HMCN1: variants seen among roughly 807,000 people sequenced by gnomAD.
HMCN1 encodes the protein hemicentin 1.
Under a neutral mutation model 625.9 loss-of-function variants are expected in HMCN1, and 321 were observed. The ratio of observed to expected loss-of-function variants is 0.51; its 90% confidence interval spans 0.47 to 0.56. The LOEUF is 0.56. Ranked by LOEUF, HMCN1 falls within the 20% of genes least tolerant of loss-of-function variation. The pLI, the probability that HMCN1 is intolerant of heterozygous loss-of-function variation, is 0.00. For missense variants in HMCN1, 6,588 were observed against 6,887.3 expected (o/e 0.96, Z 1.54); for synonymous variants, 2,425 against 2,417.6 (o/e 1.00, Z -0.09).
chr1:185,954,897 T>C (rs1288406906), intron 11 of HMCN1, among the ~76,000 whole-genome samples: 2 of 152,196 alleles, frequency 1.3e-5, no homozygotes, highest in Non-Finnish European at 2.9e-5. Flanking sequence ...TTCTTTGGAC[T>C]GATGCTTGAA....
At chr1:185,750,761 G>A (rs1390870662) in intron 1 of HMCN1, among the ~76,000 whole-genome samples, 1 of 151,518 alleles carries the variant, frequency 6.6e-6, no homozygotes, top group Non-Finnish European at 1.5e-5. Flanking sequence ...CTTATTTTAT[G>A]TTTTCTATTT....
intron 97 of HMCN1, among the ~76,000 whole-genome samples, chr1:186,160,868 G>T (rs935849251): frequency 2.5e-4 from 38 of 150,688 alleles, no homozygotes; most frequent in Non-Finnish European, 4.9e-4. Context: ...GAATAGGTGT[G>T]GTGTGGTGCT....
intron 1 of HMCN1, among the ~76,000 whole-genome samples, chr1:185,791,996 C>T (rs1658035325): frequency 6.6e-6 from 1 of 152,118 alleles, no homozygotes; most frequent in South Asian, 2.1e-4. Context: ...TCATCAAATG[C>T]CTACTATCTT....
intron 6 of HMCN1, among the ~76,000 whole-genome samples, chr1:185,917,936 C>T (rs1193190921): frequency 1.3e-5 from 2 of 152,184 alleles, no homozygotes; most frequent in African/African-American, 2.4e-5. Context: ...GAAACCTAGA[C>T]TCTGGTTCAC....
intron 97 of HMCN1, 28 bp from the exon 98 acceptor site, chr1:186,165,083 G>C (rs752227161): frequency 6.2e-7 from 1 of 1,607,960 alleles, no homozygotes; most frequent in Non-Finnish European, 8.5e-7. Context: ...CAATAAGCCA[G>C]TTAACTTTGC....
At chr1:185,999,502 T>C (rs1653031982) in intron 25 of HMCN1, among the ~76,000 whole-genome samples, 1 of 152,114 alleles carries the variant, frequency 6.6e-6, no homozygotes, top group Non-Finnish European at 1.5e-5. Flanking sequence ...TATTATCCTT[T>C]GTTTAACAGA....
At chr1:186,151,843 T>A in intron 95 of HMCN1, 100 bp downstream of exon 95, 1 of 1,243,786 alleles carries the variant, frequency 8.0e-7, no homozygotes, top group South Asian at 1.3e-5. Flanking sequence ...AATTTGAAAC[T>A]TTTTACGCAA....
intron 14 of HMCN1, among the ~76,000 whole-genome samples, chr1:185,966,413 C>G (rs1379335186): frequency 1.3e-5 from 2 of 152,128 alleles, no homozygotes; most frequent in Non-Finnish European, 2.9e-5. Flanking sequence ...AAATGCTTGT[C>G]TCAACTATAG....
chr1:185,929,398 TCA>T (rs1667435660), intron 10 of HMCN1, among the ~76,000 whole-genome samples: 1 of 152,156 alleles, frequency 6.6e-6, no homozygotes, highest in African/African-American at 2.4e-5. Flanking sequence ...TAATTTTTCC[TCA>T]CATAATTTTC....
At chr1:185,900,421 G>T (rs987147140) in intron 4 of HMCN1, among the ~76,000 whole-genome samples, 1 of 151,844 alleles carries the variant, frequency 6.6e-6, no homozygotes, top group African/African-American at 2.4e-5. Context: ...GATTAGAGGG[G>T]ATCTGGAAAG....
intron 1 of HMCN1, among the ~76,000 whole-genome samples, chr1:185,839,755 T>C (rs2102306175): frequency 6.6e-6 from 1 of 152,344 alleles, no homozygotes; most frequent in Admixed American, 6.5e-5. Flanking sequence ...CAATTTTTTC[T>C]ACATCTCATT....
intron 69 of HMCN1, among the ~76,000 whole-genome samples, chr1:186,104,355 C>T (rs947521280): frequency 6.6e-6 from 1 of 152,104 alleles, no homozygotes; most frequent in Non-Finnish European, 1.5e-5. Flanking sequence ...TAGACTGGTG[C>T]CACAGGCATG....
intron 99 of HMCN1, 145 bp from the exon 100 acceptor site, chr1:186,166,663 T>C (rs1041991523): frequency 2.8e-6 from 3 of 1,063,224 alleles, no homozygotes; most frequent in Non-Finnish European, 4.2e-6. Flanking sequence ...GCCCACCTGA[T>C]GTGACTCAAC....
chr1:185,886,379 C>A (rs1042337066), intron 4 of HMCN1, among the ~76,000 whole-genome samples: 2 of 151,984 alleles, frequency 1.3e-5, no homozygotes, highest in African/African-American at 4.8e-5. Context: ...CTAAGAGATT[C>A]TTTGGTTAGG....
At chr1:185,928,495 A>G (rs766425230) in intron 9 of HMCN1, 51 bp from the exon 10 acceptor site, 1 of 1,498,006 alleles carries the variant, frequency 6.7e-7, no homozygotes, top group Non-Finnish European at 9.3e-7. Context: ...ATTGCTTTCA[A>G]CTTGGTCTTA....
At chr1:186,164,681 G>C (rs1049418710) in intron 97 of HMCN1, among the ~76,000 whole-genome samples, 1 of 152,206 alleles carries the variant, frequency 6.6e-6, no homozygotes, top group Non-Finnish European at 1.5e-5. Flanking sequence ...AAAGGAGGGA[G>C]CTTCTTCACA....
chr1:185,751,408 G>A (rs1654807809), intron 1 of HMCN1, among the ~76,000 whole-genome samples: 1 of 151,984 alleles, frequency 6.6e-6, no homozygotes, highest in African/African-American at 2.4e-5. Flanking sequence ...TAGGTAAGCT[G>A]TGTTTTCTCT....
Position 185,864,492 on chromosome 1 carries a change from T to TGA in HMCN1, c.364_365dup (p.Ser122ArgfsTer6). On this transcript the variant is annotated frameshift_variant, in exon 3 of 107. Coordinates refer to ENST00000271588, the MANE Select transcript of HMCN1 (RefSeq NM_031935.3). LOFTEE classifies it high-confidence loss of function. ...CAGGGTGGTGGTGATTGCCCAGAAA[T>TGA]GAGTATTGGAGCTATAAAAATTGCC... is the stretch of plus-strand genomic sequence containing the variant. 6.2e-7 allele frequency: 1 copy of TGA among 1,613,610 alleles called. No individual in the cohort carries two copies.
chr1:186,133,636 G>A (rs1011635926), intron 86 of HMCN1, among the ~76,000 whole-genome samples: 2 of 152,156 alleles, frequency 1.3e-5, no homozygotes, highest in African/African-American at 4.8e-5. Context: ...TCACTATTGA[G>A]AGATGCTCTA....
Sources: allele counts gnomAD v4.1 joint callset (sites outside exome capture counted in the v4.1 genomes callset), GRCh38; gene constraint gnomAD v4.1.1; transcripts MANE v1.5; gene names NCBI Gene and HGNC (gene_info 2026-07-23, HGNC 2026-07-21).